The following TXNL1 variants were observed in gnomAD, a reference collection of about 807,000 sequenced individuals.
TXNL1 encodes the protein thioredoxin like 1.
A neutral mutation model predicts 35.5 loss-of-function variants in TXNL1; 14 were observed. The ratio of observed to expected loss-of-function variants is 0.39; its 90% CI spans 0.26 to 0.62. The LOEUF (loss-of-function observed/expected upper bound fraction) is 0.62. TXNL1 is among the 20% of genes least tolerant of loss of function. The probability of loss-of-function intolerance (pLI) is 0.47; values close to 1 mark genes in which losing one functional copy is unlikely to be tolerated. For missense variants in TXNL1, 263 were observed against 349.7 expected, an observed-to-expected ratio of 0.75 and a Z score of 1.98; for synonymous variants, 110 against 115.5, an observed-to-expected ratio of 0.95 and a Z score of 0.31.
At chr18:56,614,148 T>TTA (rs762757036) in intron 6 of TXNL1, among the ~76,000 whole-genome samples, 1 of 152,226 alleles carries the variant, frequency 6.6e-6, no homozygotes, top group Non-Finnish European at 1.5e-5. Context: ...TATCTTCAGT[T>TTA]TTAGTATAAA....
rs1443472179 is a variant in TXNL1, at chr18:56,614,613, T to TA, written c.563-18dup. On this transcript the variant is annotated splice_polypyrimidine_tract_variant and intron_variant, in intron 5 of 7. Transcript: ENST00000217515. ...GGCCCTGACCTATACAATGGTAGAATAAAATAAAATGTTTAAAAACCTCAA... is the reference window on the plus strand; with the variant it reads ...GGCCCTGACCTATACAATGGTAGAATAAAAATAAAATGTTTAAAAACCTCAA... 2 of 1,595,506 alleles carry TA rather than the reference T, an allele frequency of 1.3e-6. No individual in the cohort carries two copies. Among genetic ancestry groups the TA allele is most frequent in the Non-Finnish European group, 1.7e-6 (2 of 1,173,110 alleles).
intron 3 of TXNL1, among the ~76,000 whole-genome samples, chr18:56,622,526 CTTGA>C (rs1208756521): frequency 1.3e-5 from 2 of 152,108 alleles, no homozygotes; most frequent in African/African-American, 4.8e-5. Flanking sequence ...ACTTTAATGT[CTTGA>C]TTGACACCTG....
chr18:56,599,317 T>C lies in TXNL1; in HGVS notation c.*3710A>G, dbSNP rs1051117984. On this transcript the variant is annotated 3_prime_UTR_variant, in exon 8 of 8. Transcript: ENST00000217515. ...AAACCTTATTGATCAAAAATAAAAC[T>C]TGAATTTTGAAACATGCTTAAAATG... 7.2e-5 allele frequency: 11 copies of C among 151,952 alleles called. No homozygotes were observed. Among genetic ancestry groups the C allele is most frequent in the African/African-American group, 2.7e-4 (11 of 41,380 alleles). 9.4% of individuals were successfully genotyped at this position (151,952 alleles called of 1,614,324 possible).
chr18:56,622,636 T>C (rs481522), intron 3 of TXNL1, among the ~76,000 whole-genome samples: 14,722 of 152,268 alleles, frequency 0.097, 861 homozygotes, highest in Non-Finnish European at 0.13. Flanking sequence ...AACTTCATTT[T>C]TTCCTATTTC....
chr18:56,611,012 T>C lies in TXNL1; in HGVS notation c.821A>G (p.Asn274Ser). ...ACTTACTCGTTTGAAGTCATTCATA[T>C]TTGTTGCCTGGACTGGAGTACCAAT... is the stretch of plus-strand genomic sequence containing the variant. ...TFIGTPVQATNMNDFKRVVGK... is the reference protein window; with the variant it reads ...TFIGTPVQATSMNDFKRVVGK... The change falls in exon 7 of 8, where the codon AAT becomes AGT. Residue 274 changes from asparagine (N) to serine (S), a missense_variant. Physicochemically the swap from Asn to Ser is conservative, Grantham distance 46. Coordinates refer to ENST00000217515, the MANE Select transcript of TXNL1 (RefSeq NM_004786.3). 1 of 1,605,526 alleles carries C rather than the reference T, an allele frequency of 6.2e-7. No individual in the cohort carries two copies. Among genetic ancestry groups the C allele is most frequent in the Non-Finnish European group, 8.5e-7 (1 of 1,176,750 alleles).
intron 1 of TXNL1, among the ~76,000 whole-genome samples, chr18:56,632,706 G>A (rs2024393483): frequency 6.6e-6 from 1 of 152,200 alleles, no homozygotes; most frequent in Non-Finnish European, 1.5e-5. Context: ...TATAGTGTTA[G>A]AATTCAAGAG....
intron 2 of TXNL1, 86 bp downstream of exon 2, chr18:56,626,275 A>G (rs763016127): frequency 6.5e-7 from 1 of 1,538,760 alleles, no homozygotes; most frequent in Admixed American, 2.1e-5. Flanking sequence ...TACTATGTGC[A>G]TCAAGAGATA....
Position 56,623,481 on chromosome 18 carries a change from T to G in TXNL1, c.369+807A>C, listed in dbSNP as rs2024225068. Among the ~76,000 whole-genome samples, 5 of 152,104 alleles carry G rather than the reference T, an allele frequency of 3.3e-5. No homozygotes were observed. In the South Asian group the frequency reaches 1.0e-3, roughly 32 times the overall value. ...AACTTGAGGTAACTTTTTTTAAAATTCATTCTTTGATCTGCCAGTGCAGTA... is the reference window on the plus strand; with the variant it reads ...AACTTGAGGTAACTTTTTTTAAAATGCATTCTTTGATCTGCCAGTGCAGTA... On this transcript the variant is annotated intron_variant, in intron 3 of 7. Coordinates refer to ENST00000217515, the MANE Select transcript of TXNL1 (RefSeq NM_004786.3).
chr18:56,624,250 ATAT>A (rs1437867181), intron 3 of TXNL1, 35 bp downstream of exon 3: 2 of 1,589,752 alleles, frequency 1.3e-6, no homozygotes, highest in Admixed American at 1.7e-5. Flanking sequence ...CATGTACAAG[ATAT>A]TATACATTAT....
At position 56,600,319 on chromosome 18, in the gene TXNL1, G is replaced by A. The variant is rs1165007588; in HGVS notation, c.*2708C>T. On this transcript the variant is annotated 3_prime_UTR_variant, in exon 8 of 8. Coordinates refer to ENST00000217515, the MANE Select transcript of TXNL1 (RefSeq NM_004786.3). ...CTGCCTCCAACAGAATATTGAGACT[G>A]GGGAACAATGTGGGGCAGGTTTCAA... 2.0e-5 allele frequency: 3 copies of A among 152,148 alleles called. No individual in the cohort carries two copies. Among genetic ancestry groups the A allele is most frequent in the African/African-American group, 7.2e-5 (3 of 41,398 alleles). The allele number at this position is 152,148 out of a possible 1,614,324, so 9.4% of individuals were successfully genotyped here.
chr18:56,622,917 A>T (rs2024211817), intron 3 of TXNL1, among the ~76,000 whole-genome samples: 1 of 152,250 alleles, frequency 6.6e-6, no homozygotes, highest in South Asian at 2.1e-4. Flanking sequence ...TTAAATAAAT[A>T]GTAATTGTAC....
At chr18:56,633,518 C>A (rs1183362858) in intron 1 of TXNL1, among the ~76,000 whole-genome samples, 1 of 146,086 alleles carries the variant, frequency 6.8e-6, no homozygotes, top group Non-Finnish European at 1.5e-5. Flanking sequence ...ACTGCTGGGG[C>A]TGAGTTGGGA....
At chr18:56,635,395 T>G (rs954947331) in intron 1 of TXNL1, among the ~76,000 whole-genome samples, 1 of 152,132 alleles carries the variant, frequency 6.6e-6, no homozygotes, top group Non-Finnish European at 1.5e-5. Context: ...TATACAAAAT[T>G]TGCCATATAA....
intron 3 of TXNL1, among the ~76,000 whole-genome samples, chr18:56,618,416 A>G (rs1190230772): frequency 6.6e-6 from 1 of 152,218 alleles, no homozygotes; most frequent in African/African-American, 2.4e-5. Context: ...AGAAGAAAAT[A>G]TGCAAATTAA....
At chr18:56,630,208 A>G (rs1022433670) in intron 1 of TXNL1, among the ~76,000 whole-genome samples, 4 of 152,144 alleles carry the variant, frequency 2.6e-5, no homozygotes, top group South Asian at 2.1e-4. Context: ...GAAAAGAAAA[A>G]AAAAAAAAAA....
chr18:56,638,056 C>G (rs2024485243), intron 1 of TXNL1, among the ~76,000 whole-genome samples: 6 of 152,120 alleles, frequency 3.9e-5, no homozygotes, highest in Admixed American at 3.9e-4. Flanking sequence ...GGAATAGGGG[C>G]GGGCCACCCC....
At chr18:56,635,228 A>C (rs548430753) in intron 1 of TXNL1, among the ~76,000 whole-genome samples, 1 of 152,210 alleles carries the variant, frequency 6.6e-6, no homozygotes, top group Non-Finnish European at 1.5e-5. Flanking sequence ...ACTGCACTCC[A>C]GCCTGGGCAA....
intron 7 of TXNL1, among the ~76,000 whole-genome samples, chr18:56,603,341 AATTT>A (rs2023838578): frequency 2.7e-5 from 4 of 149,096 alleles, no homozygotes; most frequent in African/African-American, 9.7e-5. Context: ...TAGAGAAGTT[AATTT>A]AAAAAATGAT....
At chr18:56,610,905 A>T in intron 7 of TXNL1, 88 bp downstream of exon 7, 1 of 863,466 alleles carries the variant, frequency 1.2e-6, no homozygotes, top group Non-Finnish European at 1.7e-6. Context: ...TTATTTTGTT[A>T]AAAGAAAGTG....
Sources: allele counts gnomAD v4.1 joint callset (sites outside exome capture counted in the v4.1 genomes callset), GRCh38; gene constraint gnomAD v4.1.1; transcripts MANE v1.5; gene names NCBI Gene and HGNC (gene_info 2026-07-23, HGNC 2026-07-21).